The following BCHE variants were observed in gnomAD, a reference collection of about 807,000 sequenced individuals.
The protein encoded by BCHE is cholinesterase.
BCHE carries 48 observed loss-of-function variants against 51.3 expected under a neutral mutation model. The ratio of observed to expected loss-of-function variants is 0.94; its 90% CI spans 0.74 to 1.19. The LOEUF (loss-of-function observed/expected upper bound fraction) is 1.19, where lower values mean the gene tolerates loss of function less well. BCHE is among the 50% of genes most tolerant of loss of function. The probability of loss-of-function intolerance (pLI) is 0.00; values close to 1 mark genes in which losing one functional copy is unlikely to be tolerated. For missense variants in BCHE, 847 were observed against 708.2 expected (o/e 1.20, Z -2.23); for synonymous variants, 251 against 238.0 (o/e 1.05, Z -0.50).
At chr3:165,802,853 T>A (rs2108215349) in intron 2 of BCHE, among the ~76,000 whole-genome samples, 1 of 152,244 alleles carries the variant, frequency 6.6e-6, no homozygotes, top group East Asian at 1.9e-4. Flanking sequence ...GCCATTCTCC[T>A]GTCTCACCCT....
At chr3:165,822,126 T>C (rs1465135719) in intron 2 of BCHE, among the ~76,000 whole-genome samples, 1 of 151,932 alleles carries the variant, frequency 6.6e-6, no homozygotes, top group Non-Finnish European at 1.5e-5. Flanking sequence ...AAGTGACATG[T>C]CAGAACATTT....
At chr3:165,836,209 A>G (rs1029457884) in intron 1 of BCHE, among the ~76,000 whole-genome samples, 1 of 151,988 alleles carries the variant, frequency 6.6e-6, no homozygotes, top group African/African-American at 2.4e-5. Context: ...TTTGGCATCC[A>G]AAAGACTACT....
rs1051548922 is a variant in BCHE at position 165,812,444 on chromosome 3, C to T, written c.1517+17073G>A. Reference sequence around the variant, plus strand: ...ATCTAACCATTTATTTTGCATGTTACACATAGGGAAACAATAAAATGATTT... The same window carrying T: ...ATCTAACCATTTATTTTGCATGTTATACATAGGGAAACAATAAAATGATTT... On this transcript the variant is annotated intron_variant, in intron 2 of 3. Coordinates refer to ENST00000264381, the MANE Select transcript of BCHE (RefSeq NM_000055.4). 4.0e-5 allele frequency among the ~76,000 whole-genome samples: 6 copies of T among 151,832 alleles called. No homozygotes were observed. The East Asian group carries it at 1.2e-3, about 29-fold the overall frequency.
chr3:165,785,255 G>A (rs2108201652), intron 3 of BCHE, among the ~76,000 whole-genome samples: 1 of 151,888 alleles, frequency 6.6e-6, no homozygotes, highest in Middle Eastern at 3.4e-3. Flanking sequence ...GTCATGATGA[G>A]CAGAATAGCA....
Position 165,829,667 on chromosome 3 carries a change from A to C in BCHE, c.1367T>G (p.Leu456Arg), listed in dbSNP as rs1458280020. 1 of 1,613,900 alleles carries C rather than the reference A, an allele frequency of 6.2e-7. No individual in the cohort carries two copies. Among genetic ancestry groups the C allele is most frequent in the Non-Finnish European group, 8.5e-7 (1 of 1,179,908 alleles). Residue 456 changes from leucine (L) to arginine (R), a missense_variant, in exon 2 of 4, where the codon CTT becomes CGT. Coordinates refer to ENST00000264381, the MANE Select transcript of BCHE (RefSeq NM_000055.4). ...CACTCCCATCCATTCTGGCCACGGA[A>C]GTTTGGAGGATCGGTGTTCAAAATA... ...FYYFEHRSSK[L>R]PWPEWMGVMH...
chr3:165,830,263 A>G lies in BCHE; in HGVS notation c.771T>C (p.Ala257=). Residue 257 remains alanine, a synonymous_variant, in exon 2 of 4, where the codon GCT becomes GCC. Coordinates refer to ENST00000264381, the MANE Select transcript of BCHE (RefSeq NM_000055.4). ...CATAAAGAGATGTTACCGCCCAAGG[A>G]GCATTAAAGGATCCACTTTGCAGAA... The part of the protein sequence containing the change: ...RAILQSGSFN[A]PWAVTSLYEA... 1.2e-6 allele frequency: 2 copies of G among 1,613,994 alleles called. No individual in the cohort carries two copies. The highest frequency in any genetic ancestry group is 1.7e-6 in the Non-Finnish European group (2 of 1,179,926).
chr3:165,791,617 A>G (rs918091371), intron 2 of BCHE, among the ~76,000 whole-genome samples: 1 of 152,134 alleles, frequency 6.6e-6, no homozygotes, highest in Non-Finnish European at 1.5e-5. Flanking sequence ...GACATTGCTG[A>G]GATAGGAAAG....
At chr3:165,808,191 T>C (rs1356506631) in intron 2 of BCHE, among the ~76,000 whole-genome samples, 1 of 152,068 alleles carries the variant, frequency 6.6e-6, no homozygotes, top group Non-Finnish European at 1.5e-5. Flanking sequence ...TTCACCGTGT[T>C]AGTCAGGATG....
chr3:165,814,083 GA>G (rs1475322576), intron 2 of BCHE, among the ~76,000 whole-genome samples: 5 of 151,856 alleles, frequency 3.3e-5, no homozygotes, highest in African/African-American at 9.7e-5. Context: ...CTCATATTAC[GA>G]TATCTGAATT....
chr3:165,788,704 G>C (rs575146126), intron 2 of BCHE, among the ~76,000 whole-genome samples: 2 of 152,046 alleles, frequency 1.3e-5, no homozygotes, highest in African/African-American at 2.4e-5. Context: ...TGTCTTCTGT[G>C]AATGGCAACG....
chr3:165,797,213 C>CTT, intron 2 of BCHE, among the ~76,000 whole-genome samples: 1 of 3,612 alleles, frequency 2.8e-4, no homozygotes, highest in African/African-American at 1.0e-3. Context: ...TCCTTCCTTC[C>CTT]CTCCTTCCCT....
chr3:165,781,478 A>T (rs959074551), intron 3 of BCHE, among the ~76,000 whole-genome samples: 2 of 152,102 alleles, frequency 1.3e-5, no homozygotes, highest in African/African-American at 4.8e-5. Context: ...AAACTAACAC[A>T]ACTAACACAG....
chr3:165,803,968 G>T (rs1231965855), intron 2 of BCHE, among the ~76,000 whole-genome samples: 1 of 151,584 alleles, frequency 6.6e-6, no homozygotes. Context: ...GGAAAGAGTG[G>T]TCCAAGGATT....
chr3:165,813,438 C>A (rs182673292), intron 2 of BCHE, among the ~76,000 whole-genome samples: 2,705 of 151,668 alleles, frequency 0.018, 80 homozygotes, highest in African/African-American at 0.062. Flanking sequence ...GATTATGTGT[C>A]TATATCTAAA....
At chr3:165,831,262 T>C (rs1046407590) in intron 1 of BCHE, among the ~76,000 whole-genome samples, 7 of 152,128 alleles carry the variant, frequency 4.6e-5, no homozygotes, top group Non-Finnish European at 1.0e-4. Context: ...TAAAAAATAT[T>C]CATTTTAGGG....
intron 1 of BCHE, among the ~76,000 whole-genome samples, chr3:165,833,177 A>G (rs1715053709): frequency 6.6e-6 from 1 of 152,162 alleles, no homozygotes; most frequent in Admixed American, 6.6e-5. Context: ...AATAAAACAT[A>G]ATTAAAATAT....
At chr3:165,778,457 A>G (rs192651445) in intron 3 of BCHE, 1 of 218,666 alleles carries the variant, frequency 4.6e-6, no homozygotes, top group East Asian at 8.2e-5. Context: ...ACCAGAACAT[A>G]TCAGTTTCTC....
intron 2 of BCHE, among the ~76,000 whole-genome samples, chr3:165,805,186 A>G (rs1415535113): frequency 2.0e-5 from 3 of 152,186 alleles, no homozygotes; most frequent in African/African-American, 7.2e-5. Flanking sequence ...TGAAAAAAAT[A>G]ACGAGCTCTT....
rs759643427 is a variant in BCHE, at chr3:165,830,496, CTAGGGCACCCACCCTA to C, written c.522_537del (p.Tyr174Ter). On this transcript the variant is annotated frameshift_variant, in exon 2 of 4. Transcript: ENST00000264381. LOFTEE classifies it high-confidence loss of function. ...GGATTTCCTGGCAAAGCTAAGAATC[CTAGGGCACCCACCCTA>C]TAGTTCATTGACACTACAATAACTC... 4.3e-6 allele frequency: 7 copies of C among 1,613,812 alleles called. No individual in the cohort carries two copies. The South Asian group carries it at 7.7e-5, about 18-fold the overall frequency.
Sources: gnomAD v4.1 joint callset for allele counts (sites outside exome capture counted in the v4.1 genomes callset) on GRCh38, gnomAD v4.1.1 for gene constraint, MANE v1.5 for transcripts, NCBI Gene and HGNC (gene_info 2026-07-23, HGNC 2026-07-21) for gene names.